SHISA9: variants seen among roughly 807,000 people sequenced by gnomAD.
The protein encoded by SHISA9 is protein shisa-9.
Under a neutral mutation model 38.0 loss-of-function variants are expected in SHISA9, and 13 were observed. The ratio of observed to expected loss-of-function variants is 0.34; its 90% confidence interval spans 0.22 to 0.54. SHISA9 has a LOEUF of 0.54. Ranked by LOEUF, SHISA9 falls within the 20% of genes least tolerant of loss-of-function variation. SHISA9 has a pLI of 0.91. For missense variants in SHISA9, 538 were observed against 575.8 expected (o/e 0.93, Z 0.67); for synonymous variants, 275 against 242.0 (o/e 1.14, Z -1.27).
the SHISA9 span, among the ~76,000 whole-genome samples, chr16:13,296,813 C>A: frequency 7.2e-6 from 1 of 138,286 alleles, no homozygotes; most frequent in African/African-American, 2.8e-5. Context: ...ATCACTTGAA[C>A]CTGGGAGGTG....
chr16:13,376,243 C>T, the SHISA9 span, among the ~76,000 whole-genome samples: 1 of 152,160 alleles, frequency 6.6e-6, no homozygotes, highest in Non-Finnish European at 1.5e-5. Context: ...ATAATCCTCC[C>T]TTAGGGAGTG....
chr16:13,455,205 C>G, the SHISA9 span, among the ~76,000 whole-genome samples: 2 of 152,102 alleles, frequency 1.3e-5, no homozygotes, highest in African/African-American at 4.8e-5. Flanking sequence ...CTTCTATGCC[C>G]TATTTCACAT....
chr16:13,404,270 G>A, the SHISA9 span, among the ~76,000 whole-genome samples: 14 of 152,292 alleles, frequency 9.2e-5, no homozygotes, highest in South Asian at 8.3e-4. Context: ...AGAGATTACA[G>A]TCTAGTTGAG....
the SHISA9 span, among the ~76,000 whole-genome samples, chr16:13,305,785 C>T: frequency 1.3e-5 from 2 of 152,202 alleles, no homozygotes; most frequent in Non-Finnish European, 1.5e-5. Flanking sequence ...AATGCAGGGA[C>T]TTTAGAGCAA....
chr16:13,304,283 G>C, the SHISA9 span, among the ~76,000 whole-genome samples: 4 of 152,176 alleles, frequency 2.6e-5, no homozygotes, highest in Non-Finnish European at 4.4e-5. Context: ...TTTTGCAAAA[G>C]GGTCTCACTC....
At chr16:12,991,243 G>A (rs1286443263) in intron 2 of SHISA9, among the ~76,000 whole-genome samples, 1 of 152,100 alleles carries the variant, frequency 6.6e-6, no homozygotes, top group African/African-American at 2.4e-5. Flanking sequence ...TTCTGGGAAA[G>A]TTTTCCCTTT....
chr16:13,003,546 C>A (rs983764681), intron 2 of SHISA9, among the ~76,000 whole-genome samples: 8 of 152,172 alleles, frequency 5.3e-5, no homozygotes. Context: ...CTGCAACCAC[C>A]ACTAACGACA....
intron 2 of SHISA9, among the ~76,000 whole-genome samples, chr16:13,006,964 A>G (rs1596579637): frequency 1.3e-5 from 2 of 151,796 alleles, no homozygotes; most frequent in Non-Finnish European, 2.9e-5. Context: ...TCTTTCTGTC[A>G]CCCTCGACAC....
intron 2 of SHISA9, among the ~76,000 whole-genome samples, chr16:13,136,370 C>T (rs1281607338): frequency 7.1e-6 from 1 of 140,292 alleles, no homozygotes; most frequent in Non-Finnish European, 1.5e-5. Flanking sequence ...CTCTTCTTTT[C>T]GTTGTGTGAA....
chr16:13,109,302 G>A (rs1386991179), intron 2 of SHISA9, among the ~76,000 whole-genome samples: 6 of 152,022 alleles, frequency 3.9e-5, no homozygotes, highest in African/African-American at 1.2e-4. Context: ...CTGGAACTGC[G>A]GGCAGGCATC....
At chr16:13,391,462 T>C in the SHISA9 span, among the ~76,000 whole-genome samples, 1 of 152,144 alleles carries the variant, frequency 6.6e-6, no homozygotes, top group East Asian at 1.9e-4. Context: ...ACTGAAGTAT[T>C]ATACTTGGAA....
the SHISA9 span, among the ~76,000 whole-genome samples, chr16:13,409,166 G>T: frequency 6.6e-6 from 1 of 152,230 alleles, no homozygotes; most frequent in Non-Finnish European, 1.5e-5. Flanking sequence ...AGTCGGAGAG[G>T]AGTTCGGCCG....
intron 2 of SHISA9, among the ~76,000 whole-genome samples, chr16:13,145,551 G>A (rs2050440151): frequency 6.6e-6 from 1 of 152,086 alleles, no homozygotes; most frequent in African/African-American, 2.4e-5. Flanking sequence ...ACAAAAAAAG[G>A]TAGTTGTGTG....
intron 2 of SHISA9, among the ~76,000 whole-genome samples, chr16:12,998,337 T>C (rs1249669653): frequency 1.3e-5 from 2 of 152,222 alleles, no homozygotes; most frequent in African/African-American, 4.8e-5. Flanking sequence ...CTTGCTCATG[T>C]GGCACTTTGA....
intron 2 of SHISA9, among the ~76,000 whole-genome samples, chr16:12,960,971 C>T (rs933980519): frequency 1.3e-5 from 2 of 151,798 alleles, no homozygotes; most frequent in East Asian, 1.9e-4. Context: ...TGGTGGGGGG[C>T]AGACACTAAA....
chr16:13,052,404 T>C (rs570598666), intron 2 of SHISA9, among the ~76,000 whole-genome samples: 14 of 152,310 alleles, frequency 9.2e-5, no homozygotes, highest in African/African-American at 3.1e-4. Context: ...AGCAAAGCAA[T>C]GAGGCCAAGA....
the SHISA9 span, among the ~76,000 whole-genome samples, chr16:13,321,716 G>A: frequency 6.6e-6 from 1 of 152,182 alleles, no homozygotes; most frequent in Non-Finnish European, 1.5e-5. Flanking sequence ...GTGTGTCGGT[G>A]TATGGCTGTG....
At chr16:13,405,148 A>G in the SHISA9 span, among the ~76,000 whole-genome samples, 1 of 152,190 alleles carries the variant, frequency 6.6e-6, no homozygotes, top group Non-Finnish European at 1.5e-5. Flanking sequence ...AAGTAGACAA[A>G]TCTTTATTAT....
At chr16:13,032,069 C>T (rs1307374959) in intron 2 of SHISA9, among the ~76,000 whole-genome samples, 1 of 151,750 alleles carries the variant, frequency 6.6e-6, no homozygotes, top group African/African-American at 2.4e-5. Flanking sequence ...AGGTTTGTTA[C>T]ATAGGTATAC....
Sources: gnomAD v4.1 joint callset for allele counts (sites outside exome capture counted in the v4.1 genomes callset) on GRCh38, gnomAD v4.1.1 for gene constraint, MANE v1.5 for transcripts, NCBI Gene and HGNC (gene_info 2026-07-23, HGNC 2026-07-21) for gene names.